Variants in DENND5B observed in about 807,000 individuals in gnomAD.
DENND5B encodes the protein DENN domain-containing protein 5B.
A neutral mutation model predicts 140.6 loss-of-function variants in DENND5B; 34 were observed. That is an observed-to-expected ratio of 0.24 (90% CI 0.18 to 0.32). The LOEUF (loss-of-function observed/expected upper bound fraction) is 0.32, where lower values mean the gene tolerates loss of function less well. Ranked by LOEUF, DENND5B falls within the 10% of genes least tolerant of loss-of-function variation. The pLI is 1.00. For missense variants in DENND5B, 1,142 were observed against 1,560.2 expected (o/e 0.73, Z 4.52); for synonymous variants, 551 against 562.1 (o/e 0.98, Z 0.28).
intron 2 of DENND5B, among the ~76,000 whole-genome samples, chr12:31,488,171 T>TCA (rs1946384770): frequency 6.6e-6 from 1 of 151,196 alleles, no homozygotes; most frequent in Non-Finnish European, 1.5e-5. Flanking sequence ...AGACGAGGTT[T>TCA]CACCATGTTG....
At chr12:31,559,800 T>C (rs2139318109) in intron 1 of DENND5B, among the ~76,000 whole-genome samples, 1 of 152,244 alleles carries the variant, frequency 6.6e-6, no homozygotes, top group South Asian at 2.1e-4. Flanking sequence ...AGCTGTGTGT[T>C]CACTCTGACC....
At position 31,562,385 on chromosome 12, in the gene DENND5B, G is replaced by A. The variant is rs576352643; in HGVS notation, c.127+28321C>T. On this transcript the variant is annotated intron_variant, in intron 1 of 20. Transcript: ENST00000389082. ...AGCACGTTGGGAGGCCGAGGCAGGC[G>A]GATCACCTGAGATCAGGAGTTCCAA... Among the ~76,000 whole-genome samples, 4 of 152,234 alleles carry A rather than the reference G, an allele frequency of 2.6e-5. No homozygotes were observed. The South Asian group carries it at 8.3e-4, about 32-fold the overall frequency.
intron 2 of DENND5B, among the ~76,000 whole-genome samples, chr12:31,484,367 G>T (rs1946204436): frequency 6.6e-6 from 1 of 152,102 alleles, no homozygotes; most frequent in Non-Finnish European, 1.5e-5. Context: ...AATCACTGAA[G>T]CTGACCCTCT....
At chr12:31,466,758 T>C (rs1040104263) in intron 3 of DENND5B, among the ~76,000 whole-genome samples, 4 of 152,012 alleles carry the variant, frequency 2.6e-5, no homozygotes, top group African/African-American at 9.7e-5. Context: ...TAAAAAAAGA[T>C]ACATGAATGC....
intron 3 of DENND5B, among the ~76,000 whole-genome samples, chr12:31,478,496 G>C (rs1945923017): frequency 6.6e-6 from 1 of 152,104 alleles, no homozygotes; most frequent in Non-Finnish European, 1.5e-5. Flanking sequence ...TTTGAGCCTA[G>C]GATTTTGAGA....
chr12:31,555,059 G>C (rs994630475), intron 1 of DENND5B, among the ~76,000 whole-genome samples: 4 of 152,030 alleles, frequency 2.6e-5, no homozygotes, highest in Non-Finnish European at 4.4e-5. Context: ...CTCTCAACTC[G>C]TCAGTCATTC....
intron 1 of DENND5B, among the ~76,000 whole-genome samples, chr12:31,499,246 A>T (rs74473216): frequency 0.011 from 1,725 of 152,336 alleles, 19 homozygotes; most frequent in East Asian, 0.031. Flanking sequence ...TTTAAATATT[A>T]TCTTGAAACA....
At chr12:31,481,084 C>T (rs901497910) in intron 2 of DENND5B, among the ~76,000 whole-genome samples, 2 of 152,028 alleles carry the variant, frequency 1.3e-5, no homozygotes, top group African/African-American at 4.8e-5. Flanking sequence ...CTAAGGAAAA[C>T]AGAACTTGTA....
intron 1 of DENND5B, among the ~76,000 whole-genome samples, chr12:31,510,436 C>G (rs995399883): frequency 5.9e-5 from 9 of 152,168 alleles, no homozygotes; most frequent in Non-Finnish European, 5.9e-5. Flanking sequence ...CTGCCTCAGC[C>G]TCCCGGGTAG....
intron 17 of DENND5B, chr12:31,396,479 T>C (rs1001460432): frequency 7.2e-5 from 11 of 152,340 alleles, no homozygotes; most frequent in African/African-American, 2.7e-4. Context: ...GGCAAGCAAA[T>C]TGGTGAAGCA....
chr12:31,514,131 C>T (rs1591960343), intron 1 of DENND5B, among the ~76,000 whole-genome samples: 1 of 152,132 alleles, frequency 6.6e-6, no homozygotes, highest in African/African-American at 2.4e-5. Context: ...CAGGTATGAG[C>T]CACTACACAA....
intron 1 of DENND5B, among the ~76,000 whole-genome samples, chr12:31,557,651 G>T (rs1949337144): frequency 6.6e-6 from 1 of 151,856 alleles, no homozygotes; most frequent in African/African-American, 2.4e-5. Context: ...CAAGGCATAA[G>T]GTGAATAGGA....
chr12:31,406,838 C>T (rs938974696), intron 14 of DENND5B, among the ~76,000 whole-genome samples: 1 of 152,192 alleles, frequency 6.6e-6, no homozygotes. Context: ...CTCAACCTGT[C>T]ACCCAGGCTG....
At chr12:31,493,556 TG>T (rs767274613) in intron 2 of DENND5B, among the ~76,000 whole-genome samples, 27 of 151,504 alleles carry the variant, frequency 1.8e-4, no homozygotes, top group Non-Finnish European at 2.9e-4. Flanking sequence ...GAGCCAGGTG[TG>T]GTGGGATGTG....
chr12:31,428,683 T>A (rs1436190600), intron 8 of DENND5B, among the ~76,000 whole-genome samples: 1 of 152,158 alleles, frequency 6.6e-6, no homozygotes, highest in Non-Finnish European at 1.5e-5. Flanking sequence ...TTTTCCTGCC[T>A]CAGCGTCCTG....
At chr12:31,576,082 A>T (rs1408759778) in intron 1 of DENND5B, among the ~76,000 whole-genome samples, 2 of 150,356 alleles carry the variant, frequency 1.3e-5, no homozygotes, top group African/African-American at 2.4e-5. Context: ...TTGAGGTTAC[A>T]GTGAGCTATG....
At position 31,415,408 on chromosome 12, in the gene DENND5B, AAC is replaced by A; in HGVS notation, c.2509_2510del (p.Val837TyrfsTer21). The A allele has an allele frequency of 6.2e-7, 1 of 1,610,694 alleles. No homozygotes were observed. Among genetic ancestry groups the A allele is most frequent in the South Asian group, 1.1e-5 (1 of 90,286 alleles). On this transcript the variant is annotated frameshift_variant, in exon 12 of 21. Transcript: ENST00000389082. LOFTEE classifies it high-confidence loss of function. ...GPERRKSDSG[V>X]MLPTLRVSLI... is the part of the protein sequence containing the mutation. ...GAGAGACCCTGAGCGTTGGCAACATAACTCCTGAGTCAGATTTTCTTCTTTCT... is the reference window on the plus strand; with the variant it reads ...GAGAGACCCTGAGCGTTGGCAACATATCCTGAGTCAGATTTTCTTCTTTCT...
At chr12:31,556,566 G>A (rs1475277105) in intron 1 of DENND5B, among the ~76,000 whole-genome samples, 1 of 151,756 alleles carries the variant, frequency 6.6e-6, no homozygotes, top group Non-Finnish European at 1.5e-5. Context: ...AGGCTTTGCA[G>A]AACAATATTA....
In DENND5B at chr12:31,392,709, A is replaced by T. The variant is rs536360319; in HGVS notation, c.3257-13T>A. On this transcript the variant is annotated splice_polypyrimidine_tract_variant and intron_variant, in intron 17 of 20. Coordinates refer to ENST00000389082, the MANE Select transcript of DENND5B (RefSeq NM_144973.4). ...CCAGCATTGGGTTCTGTAAAATAATAAACAGTGGCTGCATTCTCATGGGAG... is the reference window on the plus strand; with the variant it reads ...CCAGCATTGGGTTCTGTAAAATAATTAACAGTGGCTGCATTCTCATGGGAG... 4.3e-5 allele frequency: 66 copies of T among 1,550,500 alleles called. No homozygotes were observed. The highest frequency in any genetic ancestry group is 5.5e-5 in the Non-Finnish European group (63 of 1,146,108).
Sources: allele counts gnomAD v4.1 joint callset (sites outside exome capture counted in the v4.1 genomes callset), GRCh38; gene constraint gnomAD v4.1.1; transcripts MANE v1.5; gene names NCBI Gene and HGNC (gene_info 2026-07-23, HGNC 2026-07-21).